NCAM1: variants seen among roughly 807,000 people sequenced by gnomAD.
NCAM1 encodes the protein neural cell adhesion molecule 1.
In NCAM1, 14 loss-of-function variants were observed where a neutral mutation model predicts 109.8. The observed-to-expected ratio is 0.13, with a 90% CI of 0.08 to 0.20. NCAM1 has a LOEUF of 0.20. Among genes scored for constraint, NCAM1 ranks in the 10% least tolerant of loss-of-function variants. The pLI is 1.00. For synonymous variants in NCAM1, 418 were observed against 442.9 expected (o/e 0.94, Z 0.70); for missense variants, 774 against 1,109.9 (o/e 0.70, Z 4.30).
At chr11:113,190,895 A>G (rs988979342) in intron 1 of NCAM1, among the ~76,000 whole-genome samples, 13 of 152,154 alleles carry the variant, frequency 8.5e-5, no homozygotes, top group African/African-American at 3.1e-4. Flanking sequence ...ATGACCCCTT[A>G]AGGAGAATGG....
intron 1 of NCAM1, among the ~76,000 whole-genome samples, chr11:113,193,356 G>A (rs1287115871): frequency 8.5e-5 from 13 of 152,138 alleles, no homozygotes; most frequent in African/African-American, 2.4e-4. Context: ...ATGCTCCAGC[G>A]GGCTCCAGGC....
intron 1 of NCAM1, among the ~76,000 whole-genome samples, chr11:113,073,900 G>A (rs1379150220): frequency 6.6e-6 from 1 of 152,198 alleles, no homozygotes; most frequent in Non-Finnish European, 1.5e-5. Flanking sequence ...TCTTGAAAAT[G>A]TTCTTGTAAA....
chr11:113,235,764 T>TC, intron 14 of NCAM1, among the ~76,000 whole-genome samples: 1 of 152,144 alleles, frequency 6.6e-6, no homozygotes, highest in Non-Finnish European at 1.5e-5. Flanking sequence ...GAGAATTGCT[T>TC]CCCCCTGATT....
intron 7 of NCAM1, among the ~76,000 whole-genome samples, chr11:113,213,505 C>G (rs1944445883): frequency 6.6e-6 from 1 of 152,328 alleles, no homozygotes; most frequent in South Asian, 2.1e-4. Flanking sequence ...GAGCCCCCAT[C>G]CAGTTCCTTG....
intron 1 of NCAM1, among the ~76,000 whole-genome samples, chr11:113,009,027 A>G (rs561124539): frequency 1.4e-4 from 22 of 152,322 alleles, no homozygotes; most frequent in African/African-American, 5.3e-4. Flanking sequence ...GGGAGAGTGC[A>G]ATAACCTGGT....
intron 1 of NCAM1, among the ~76,000 whole-genome samples, chr11:113,004,276 C>T (rs755823814): frequency 1.4e-4 from 21 of 152,070 alleles, no homozygotes; most frequent in Non-Finnish European, 1.5e-4. Flanking sequence ...GGGTGGATCA[C>T]AAGGTCAGGA....
intron 6 of NCAM1, 87 bp downstream of exon 6, chr11:113,207,465 T>A (rs1030095846): frequency 1.0e-5 from 11 of 1,060,752 alleles, no homozygotes; most frequent in African/African-American, 1.6e-5. Flanking sequence ...CTGCGTGGAA[T>A]GGATGTGGGC....
chr11:113,245,857 T>C (rs112534231), intron 14 of NCAM1, among the ~76,000 whole-genome samples: 2,721 of 152,354 alleles, frequency 0.018, 86 homozygotes, highest in African/African-American at 0.062. Flanking sequence ...TGATGACCCA[T>C]ATTCTGTTTC....
chr11:113,265,045 G>T, intron 17 of NCAM1: 1 of 985,372 alleles, frequency 1.0e-6, no homozygotes, highest in East Asian at 1.1e-4. Flanking sequence ...CACACCATGG[G>T]GCCCCTTTGC....
At chr11:112,978,249 T>TA (rs372068567) in intron 1 of NCAM1, among the ~76,000 whole-genome samples, 46,162 of 151,486 alleles carry the variant, frequency 0.3, 8,048 homozygotes, top group East Asian at 0.67. Context: ...TCTAAATTGG[T>TA]GTTTAGGTTT....
chr11:113,148,091 A>G lies in NCAM1; in HGVS notation c.53-54288A>G, dbSNP rs144528811. Among the ~76,000 whole-genome samples, 150 of 152,350 alleles carry G rather than the reference A, an allele frequency of 9.8e-4. 1 individual carries two copies. Among genetic ancestry groups the G allele is most frequent in the African/African-American group, 3.5e-3 (145 of 41,586 alleles). Reference sequence around the variant, plus strand: ...ACACAGAGAATAGAAGCAGATAAACATCTTCTCTCCCCTCCTTTCACTTTC... The same window carrying G: ...ACACAGAGAATAGAAGCAGATAAACGTCTTCTCTCCCCTCCTTTCACTTTC... On this transcript the variant is annotated intron_variant, in intron 1 of 19. Transcript: ENST00000316851.
chr11:113,060,733 G>T (rs1953886744), intron 1 of NCAM1, among the ~76,000 whole-genome samples: 1 of 151,936 alleles, frequency 6.6e-6, no homozygotes, highest in South Asian at 2.1e-4. Flanking sequence ...TTTTATATTT[G>T]GAAAGAGAAT....
At chr11:113,238,933 A>T (rs1383786670) in intron 14 of NCAM1, among the ~76,000 whole-genome samples, 2 of 152,222 alleles carry the variant, frequency 1.3e-5, no homozygotes, top group Non-Finnish European at 2.9e-5. Flanking sequence ...GTGTCAGGTG[A>T]GACCAGCGCA....
chr11:113,158,416 G>A (rs1175619596), intron 1 of NCAM1, among the ~76,000 whole-genome samples: 1 of 152,198 alleles, frequency 6.6e-6, no homozygotes, highest in Admixed American at 6.5e-5. Flanking sequence ...TCAGTTGCAT[G>A]AATGTTTTTC....
At chr11:113,075,499 C>T (rs1461982987) in intron 1 of NCAM1, among the ~76,000 whole-genome samples, 1 of 152,200 alleles carries the variant, frequency 6.6e-6, no homozygotes, top group African/African-American at 2.4e-5. Flanking sequence ...CTATCATTCT[C>T]ACATTCCTTA....
chr11:113,005,408 G>A (rs539282789), intron 1 of NCAM1, among the ~76,000 whole-genome samples: 7 of 152,052 alleles, frequency 4.6e-5, no homozygotes, highest in South Asian at 4.2e-4. Flanking sequence ...TTTTTTGGGC[G>A]GTGGTTTGGT....
intron 15 of NCAM1, among the ~76,000 whole-genome samples, chr11:113,253,667 G>A (rs2137551030): frequency 6.6e-6 from 1 of 152,248 alleles, no homozygotes; most frequent in South Asian, 2.1e-4. Context: ...GGCCCCAGTG[G>A]ACTGATCCCT....
At chr11:112,974,491 A>G (rs1950958575) in intron 1 of NCAM1, among the ~76,000 whole-genome samples, 3 of 152,068 alleles carry the variant, frequency 2.0e-5, no homozygotes. Flanking sequence ...ATGTATATTC[A>G]TGAGTACTTA....
At chr11:113,102,061 ATTGT>A (rs1555091639) in intron 1 of NCAM1, among the ~76,000 whole-genome samples, 1 of 152,190 alleles carries the variant, frequency 6.6e-6, no homozygotes, top group African/African-American at 2.4e-5. Flanking sequence ...AGAAAATGTG[ATTGT>A]TTACTAATTC....
Sources: gnomAD v4.1 joint callset for allele counts (sites outside exome capture counted in the v4.1 genomes callset) on GRCh38, gnomAD v4.1.1 for gene constraint, MANE v1.5 for transcripts, NCBI Gene and HGNC (gene_info 2026-07-23, HGNC 2026-07-21) for gene names.